The following ASPM variants were observed in gnomAD, a reference collection of about 807,000 sequenced individuals.
The protein encoded by ASPM is assembly factor for spindle microtubules.
Under a neutral mutation model 366.4 loss-of-function variants are expected in ASPM, and 256 were observed. The observed-to-expected ratio is 0.70, with a 90% CI of 0.63 to 0.77. The LOEUF is 0.77. Ranked by LOEUF, ASPM falls within the 30% of genes least tolerant of loss-of-function variation. The pLI is 0.00. For missense variants in ASPM, 4,146 were observed against 4,090.4 expected (o/e 1.01, Z -0.37); for synonymous variants, 1,414 against 1,342.9 (o/e 1.05, Z -1.16).
At chr1:197,114,751 TA>T (rs1657693442) in intron 17 of ASPM, among the ~76,000 whole-genome samples, 1 of 152,078 alleles carries the variant, frequency 6.6e-6, no homozygotes. Context: ...TTATTTTATT[TA>T]TTTTTTTTAT....
Position 197,093,262 on chromosome 1 carries a change from CTA to C in ASPM, c.9085-3_9085-2del, listed in dbSNP as rs1197454895. ...GGATCAAACAAGCAGCTCGATGTCT[CTA>C]TAAGGAAAAATTTACAAGTAACATT... On this transcript the variant is annotated splice_acceptor_variant and splice_polypyrimidine_tract_variant and intron_variant, in intron 20 of 27. Transcript: ENST00000367409. LOFTEE classifies it high-confidence loss of function. 6.2e-7 allele frequency: 1 copy of C among 1,610,382 alleles called. No individual in the cohort carries two copies. Among genetic ancestry groups the C allele is most frequent in the South Asian group, 1.1e-5 (1 of 91,012 alleles).
At chr1:197,145,838 A>G (rs936839982) in intron 1 of ASPM, among the ~76,000 whole-genome samples, 29 of 57,604 alleles carry the variant, frequency 5.0e-4, no homozygotes, top group South Asian at 1.5e-3. Context: ...CTAGCCTTCA[A>G]TTAGAGAATA....
intron 7 of ASPM, among the ~76,000 whole-genome samples, chr1:197,130,645 G>C (rs1485333282): frequency 6.6e-6 from 1 of 152,096 alleles, no homozygotes; most frequent in African/African-American, 2.4e-5. Context: ...GCATGGAAAA[G>C]TATTAATTAT....
intron 18 of ASPM, 40 bp from the exon 19 acceptor site, chr1:197,096,204 T>C: frequency 6.6e-7 from 1 of 1,514,224 alleles, no homozygotes; most frequent in Non-Finnish European, 9.1e-7. Context: ...CAATGAGTTG[T>C]CTCTTTTTTT....
At chr1:197,092,606 C>T (rs1253355282) in intron 21 of ASPM, among the ~76,000 whole-genome samples, 1 of 151,918 alleles carries the variant, frequency 6.6e-6, no homozygotes, top group Non-Finnish European at 1.5e-5. Flanking sequence ...CAGTACTTCA[C>T]ATATTGTAAG....
chr1:197,110,417 C>G (rs1037339485), intron 17 of ASPM, among the ~76,000 whole-genome samples: 14 of 151,984 alleles, frequency 9.2e-5, no homozygotes, highest in African/African-American at 2.9e-4. Flanking sequence ...AGAACTAACA[C>G]AAAATACATC....
At chr1:197,122,085 A>G in intron 15 of ASPM, 42 bp from the exon 16 acceptor site, 1 of 1,602,802 alleles carries the variant, frequency 6.2e-7, no homozygotes, top group Non-Finnish European at 8.5e-7. Flanking sequence ...ATATCAACAG[A>G]GAATACAGTA....
Position 197,104,737 on chromosome 1 carries a change from T to C in ASPM, c.4514A>G (p.Lys1505Arg). The change falls in exon 18 of 28, where the codon AAG (lysine) becomes AGG (arginine). Residue 1505 changes from lysine to arginine, a missense_variant. Physicochemically the swap from Lys to Arg is conservative, Grantham distance 26 (BLOSUM62 2). Coordinates refer to ENST00000367409, the MANE Select transcript of ASPM (RefSeq NM_018136.5). Reference sequence around the variant, plus strand: ...GGACTCTTTTCTTCTTTTATATAACTTTTGGGCTTGAAAGCACCGAAATCT... The same window carrying C: ...GGACTCTTTTCTTCTTTTATATAACCTTTGGGCTTGAAAGCACCGAAATCT... Reference protein sequence around the residue: ...QKRFRCFQAQKLYKRRKESIL... With the variant: ...QKRFRCFQAQRLYKRRKESIL... The C allele has an allele frequency of 6.2e-7, 1 of 1,606,768 alleles. No homozygotes were observed. The highest frequency in any genetic ancestry group is 1.1e-5 in the South Asian group (1 of 88,958).
chr1:197,101,131 T>C lies in ASPM; in HGVS notation c.8120A>G (p.Asp2707Gly). Reference sequence around the variant, plus strand: ...AATTGCAGTTTTCTTTGTTTCATAATCAACTTTGGCCCTGTGCATTCGATA... The same window carrying C: ...AATTGCAGTTTTCTTTGTTTCATAACCAACTTTGGCCCTGTGCATTCGATA... Reference protein sequence around the residue: ...SFYRMHRAKVDYETKKTAIVV... With the variant: ...SFYRMHRAKVGYETKKTAIVV... The change falls in exon 18 of 28, where the codon GAT (aspartate) becomes GGT (glycine). Residue 2707 changes from aspartate to glycine, a missense_variant. Physicochemically the swap from Asp to Gly is moderately conservative, Grantham distance 94. This residue lies in a region of ASPM where 3,624 missense variants were observed against 3,591.7 expected (regional missense o/e 1.01). Coordinates refer to ENST00000367409, the MANE Select transcript of ASPM (RefSeq NM_018136.5). 1 of 1,612,288 alleles carries C rather than the reference T, an allele frequency of 6.2e-7. No homozygotes were observed. The highest frequency in any genetic ancestry group is 8.5e-7 in the Non-Finnish European group (1 of 1,179,012).
chr1:197,143,544 G>C lies in ASPM; in HGVS notation c.708C>G (p.Cys236Trp), dbSNP rs754747476. Residue 236 changes from cysteine to tryptophan, a missense_variant, in exon 3 of 28, where the codon TGC becomes TGG. By Grantham distance (215) the Cys-to-Trp change is radical. Transcript: ENST00000367409. ...PAFNECHGAT[C>W]LPLSVRRSTT... Reference sequence around the variant, plus strand: ...TAGATCGACGTACAGAGAGTGGCAAGCAAGTTGCACCATGGCATTCATTGA... The same window carrying C: ...TAGATCGACGTACAGAGAGTGGCAACCAAGTTGCACCATGGCATTCATTGA... The C allele has an allele frequency of 6.2e-7, 1 of 1,613,824 alleles. No homozygotes were observed. Among genetic ancestry groups the C allele is most frequent in the East Asian group, 2.2e-5 (1 of 44,878 alleles).
At chr1:197,114,630 G>C (rs1299927028) in intron 17 of ASPM, among the ~76,000 whole-genome samples, 1 of 152,216 alleles carries the variant, frequency 6.6e-6, no homozygotes, top group Non-Finnish European at 1.5e-5. Flanking sequence ...CTGGAGTGCA[G>C]TGGTGCAATA....
intron 10 of ASPM, among the ~76,000 whole-genome samples, chr1:197,128,178 G>A (rs925478038): frequency 4.0e-5 from 6 of 150,474 alleles, no homozygotes; most frequent in Non-Finnish European, 5.9e-5. Flanking sequence ...AAAAAAAAAA[G>A]TGTTATTTCA....
chr1:197,124,619 A>G (rs1434388888), intron 12 of ASPM, among the ~76,000 whole-genome samples: 1 of 151,920 alleles, frequency 6.6e-6, no homozygotes, highest in Admixed American at 6.6e-5. Flanking sequence ...TGTAAACTGT[A>G]GTTTCAGTTT....
At position 197,090,995 on chromosome 1, in the gene ASPM, T is replaced by C. The variant is rs1656766098; in HGVS notation, c.9491A>G (p.Tyr3164Cys). ...RLQEKRFIQK[Y>C]HSIKKIEHEG... The stretch of plus-strand genomic sequence containing the variant: ...ATGCTCAATCTTTTTGATGCTATGA[T>C]ATTTCTGAATAAATCTCTTTTCTTG... Residue 3164 changes from tyrosine (Y) to cysteine (C), a missense_variant, in exon 23 of 28, where the codon TAT becomes TGT. Tyr to Cys is a radical substitution (Grantham distance 194). Around this residue, in one of 3 missense-constraint regions of ASPM, gnomAD observed 3,624 missense variants for 3,591.7 expected, o/e 1.01. Transcript: ENST00000367409. The C allele has an allele frequency of 1.2e-6, 2 of 1,612,618 alleles. No individual in the cohort carries two copies. Among genetic ancestry groups the C allele is most frequent in the Non-Finnish European group, 1.7e-6 (2 of 1,179,030 alleles).
rs1456331549 is a variant in ASPM, at chr1:197,101,429, C to T, written c.7822G>A (p.Val2608Ile). 1 of 1,608,656 alleles carries T rather than the reference C, an allele frequency of 6.2e-7. No homozygotes were observed. The highest frequency in any genetic ancestry group is 2.2e-5 in the East Asian group (1 of 44,716). The change falls in exon 18 of 28, where the codon GTT becomes ATT. Residue 2608 changes from valine to isoleucine, a missense_variant. Val to Ile is a conservative substitution (Grantham distance 29). Around this residue, in one of 3 missense-constraint regions of ASPM, gnomAD observed 3,624 missense variants for 3,591.7 expected, o/e 1.01. Transcript: ENST00000367409. ...TTCATGTCCTGAAAACCTGCCTGAA[C>T]ACAAGTCTCTTTCTTAAGTTCATTG... Reference protein sequence around the residue: ...QHNELKKETCVQAGFQDMNIK... With the variant: ...QHNELKKETCIQAGFQDMNIK...
rs1255379965 is a variant in ASPM at position 197,102,059 on chromosome 1, T to C, written c.7192A>G (p.Met2398Val). 1 of 1,612,990 alleles carries C rather than the reference T, an allele frequency of 6.2e-7. No homozygotes were observed. Among genetic ancestry groups the C allele is most frequent in the Non-Finnish European group, 8.5e-7 (1 of 1,179,304 alleles). ...CTCTTCAAATGTCTTCTAGTTTTCA[T>C]ACCCCTGAATGCAGCCTGAAGGATC... The part of the protein sequence containing the change: ...AVILQAAFRG[M>V]KTRRHLKSMH... The change falls in exon 18 of 28, where the codon ATG becomes GTG. Residue 2398 changes from methionine to valine, a missense_variant. Met to Val is a conservative substitution (Grantham distance 21). Transcript: ENST00000367409.
At chr1:197,125,261 T>C in intron 10 of ASPM, 70 bp from the exon 11 acceptor site, 1 of 1,536,608 alleles carries the variant, frequency 6.5e-7, no homozygotes, top group Non-Finnish European at 9.0e-7. Flanking sequence ...CACTGAAATA[T>C]AGTTATTTCC....
At position 197,139,129 on chromosome 1, in the gene ASPM, GT is replaced by G. The variant is rs1387735423; in HGVS notation, c.2026+637del. 4.8e-6 allele frequency: 4 copies of G among 835,780 alleles called. No individual in the cohort carries two copies. The East Asian group carries it at 7.3e-5, about 15-fold the overall frequency. 51.8% of individuals were successfully genotyped at this position (835,780 alleles called of 1,614,324 possible). ...ACAGCATTCATAGTGCTGAGTGTAG[GT>G]TTTTCTTTTAGATTTTCCACATTGG... On this transcript the variant is annotated intron_variant, in intron 4 of 27. Coordinates refer to ENST00000367409, the MANE Select transcript of ASPM (RefSeq NM_018136.5).
intron 20 of ASPM, 92 bp from the exon 21 acceptor site, chr1:197,093,353 A>G: frequency 1.0e-6 from 1 of 992,842 alleles, no homozygotes. Flanking sequence ...ATGAGATGGC[A>G]TAATTATGAT....
Sources: gnomAD v4.1 joint callset for allele counts (sites outside exome capture counted in the v4.1 genomes callset) on GRCh38, gnomAD v4.1.1 for gene constraint, gnomAD v4.1.1 regional missense constraint, MANE v1.5 for transcripts, NCBI Gene and HGNC (gene_info 2026-07-23, HGNC 2026-07-21) for gene names.